KCNJ3: variants seen among roughly 807,000 people sequenced by gnomAD.
The protein encoded by KCNJ3 is potassium inwardly rectifying channel subfamily J member 3.
A neutral mutation model predicts 39.2 loss-of-function variants in KCNJ3; 4 were observed. The ratio of observed to expected loss-of-function variants is 0.10; its 90% CI spans 0.05 to 0.23. KCNJ3 has a LOEUF of 0.23. KCNJ3 is among the 10% of genes least tolerant of loss of function. The probability of loss-of-function intolerance (pLI) is 1.00; values close to 1 mark genes in which losing one functional copy is unlikely to be tolerated. For synonymous variants in KCNJ3, 230 were observed against 237.4 expected (o/e 0.97, Z 0.29); for missense variants, 276 against 634.9 (o/e 0.43, Z 6.08).
chr2:154,754,057 C>G (rs865995001), intron 2 of KCNJ3, among the ~76,000 whole-genome samples: 1 of 152,020 alleles, frequency 6.6e-6, no homozygotes, highest in South Asian at 2.1e-4. Context: ...AACCTTTTTA[C>G]TTTAGAATAG....
intron 1 of KCNJ3, among the ~76,000 whole-genome samples, chr2:154,704,330 C>T (rs868716773): frequency 4.6e-5 from 7 of 151,784 alleles, no homozygotes; most frequent in Non-Finnish European, 7.4e-5. Flanking sequence ...GGGTATTTGG[C>T]GAGTAGGAGG....
At chr2:154,784,314 G>A (rs1482219975) in intron 2 of KCNJ3, among the ~76,000 whole-genome samples, 1 of 152,206 alleles carries the variant, frequency 6.6e-6, no homozygotes, top group Non-Finnish European at 1.5e-5. Context: ...AGTGAAAAGT[G>A]GACATGACTT....
intron 2 of KCNJ3, among the ~76,000 whole-genome samples, chr2:154,842,733 G>A (rs1348084131): frequency 5.3e-5 from 8 of 152,118 alleles, no homozygotes; most frequent in Non-Finnish European, 1.2e-4. Flanking sequence ...TTGGTTTAAA[G>A]TCTGTTTTAT....
chr2:154,703,151 G>A (rs1021681582), intron 1 of KCNJ3, among the ~76,000 whole-genome samples: 5 of 151,950 alleles, frequency 3.3e-5, no homozygotes, highest in African/African-American at 9.6e-5. Flanking sequence ...ATAACTGTTC[G>A]AGAAATTACA....
chr2:154,824,522 C>G (rs1384053175), intron 2 of KCNJ3, among the ~76,000 whole-genome samples: 1 of 152,008 alleles, frequency 6.6e-6, no homozygotes, highest in Non-Finnish European at 1.5e-5. Flanking sequence ...CCCCCTGCAC[C>G]AAATTTGTGT....
intron 2 of KCNJ3, among the ~76,000 whole-genome samples, chr2:154,780,139 G>A (rs985375006): frequency 1.8e-4 from 28 of 152,292 alleles, no homozygotes; most frequent in Admixed American, 9.8e-4. Flanking sequence ...GGATTGTGAA[G>A]AGGAGTTTTT....
chr2:154,820,059 T>C (rs1687147285), intron 2 of KCNJ3, among the ~76,000 whole-genome samples: 2 of 152,126 alleles, frequency 1.3e-5, no homozygotes, highest in African/African-American at 4.8e-5. Context: ...TCCCCTAGTA[T>C]TAACATCTTA....
In KCNJ3 at chr2:154,729,181, C is replaced by A. The variant is rs116538017; in HGVS notation, c.919+19362C>A. 8.2e-3 allele frequency among the ~76,000 whole-genome samples: 1,242 copies of A among 152,236 alleles called. 12 individuals are homozygous for A. Among genetic ancestry groups the A allele is most frequent in the African/African-American group, 0.028 (1,163 of 41,540 alleles). ...TAGTGAGTGCCAGAAATGAAGTCTT[C>A]TTCAGTTTCAGAATGTTTTTTAGTT... On this transcript the variant is annotated intron_variant, in intron 2 of 2. Coordinates refer to ENST00000295101, the MANE Select transcript of KCNJ3 (RefSeq NM_002239.4).
chr2:154,778,472 A>G (rs1216410152), intron 2 of KCNJ3, among the ~76,000 whole-genome samples: 6 of 152,122 alleles, frequency 3.9e-5, no homozygotes, highest in Non-Finnish European at 5.9e-5. Flanking sequence ...AATCCCTAAG[A>G]CAGGAAGTGT....
At chr2:154,735,274 C>CTTTTTTTTTT (rs11315316) in intron 2 of KCNJ3, among the ~76,000 whole-genome samples, 1 of 143,238 alleles carries the variant, frequency 7.0e-6, no homozygotes, top group African/African-American at 2.6e-5. Flanking sequence ...TTCTTTCTTT[C>CTTTTTTTTTT]TTTTTTTTTT....
chr2:154,826,265 G>C (rs1687270636), intron 2 of KCNJ3, among the ~76,000 whole-genome samples: 1 of 152,128 alleles, frequency 6.6e-6, no homozygotes, highest in African/African-American at 2.4e-5. Context: ...TCTGCCCAAT[G>C]GGATATGTGA....
In KCNJ3 at chr2:154,698,698, T is replaced by G; in HGVS notation, c.-78T>G. ...CCCCCTTTCCTCCCCCGCCCCCACC[T>G]CCTTATTGGTGCTAGTTTGCAGCGC... On this transcript the variant is annotated 5_prime_UTR_variant, in exon 1 of 3. Coordinates refer to ENST00000295101, the MANE Select transcript of KCNJ3 (RefSeq NM_002239.4). 2.3e-5 allele frequency: 3 copies of G among 127,958 alleles called. No homozygotes were observed. The highest frequency in any genetic ancestry group is 3.4e-5 in the Non-Finnish European group (2 of 59,142). 7.9% of individuals were successfully genotyped at this position (127,958 alleles called of 1,614,324 possible).
At chr2:154,749,261 C>T (rs1043792669) in intron 2 of KCNJ3, among the ~76,000 whole-genome samples, 2 of 151,792 alleles carry the variant, frequency 1.3e-5, no homozygotes, top group Non-Finnish European at 2.9e-5. Context: ...CCAAGAGACC[C>T]CCCTCAAAAT....
intron 2 of KCNJ3, among the ~76,000 whole-genome samples, chr2:154,763,346 G>A (rs2105190432): frequency 6.6e-6 from 1 of 151,726 alleles, no homozygotes; most frequent in Middle Eastern, 3.4e-3. Flanking sequence ...CTTTTAAGGT[G>A]TTTCTGCACA....
chr2:154,785,593 C>T (rs990856475), intron 2 of KCNJ3, among the ~76,000 whole-genome samples: 9 of 152,158 alleles, frequency 5.9e-5, no homozygotes, highest in African/African-American at 1.9e-4. Flanking sequence ...TCGGCTCCCA[C>T]ACCATGTGAT....
At chr2:154,763,731 C>A (rs1686084656) in intron 2 of KCNJ3, among the ~76,000 whole-genome samples, 1 of 152,128 alleles carries the variant, frequency 6.6e-6, no homozygotes, top group Admixed American at 6.6e-5. Context: ...CCCAGCTGTA[C>A]CTTCTAGCTT....
chr2:154,740,466 A>G (rs1469140653), intron 2 of KCNJ3, among the ~76,000 whole-genome samples: 1 of 152,008 alleles, frequency 6.6e-6, no homozygotes, highest in Non-Finnish European at 1.5e-5. Context: ...ATAATATCTC[A>G]TTGCCATTGT....
chr2:154,850,947 C>T (rs1380516753), intron 2 of KCNJ3, among the ~76,000 whole-genome samples: 1 of 152,098 alleles, frequency 6.6e-6, no homozygotes, highest in East Asian at 1.9e-4. Flanking sequence ...AATTGTCTGA[C>T]AATTTTAAAA....
chr2:154,780,141 G>A (rs1686408919), intron 2 of KCNJ3, among the ~76,000 whole-genome samples: 1 of 152,148 alleles, frequency 6.6e-6, no homozygotes, highest in African/African-American at 2.4e-5. Flanking sequence ...ATTGTGAAGA[G>A]GAGTTTTTGA....
Sources: gnomAD v4.1 joint callset for allele counts (sites outside exome capture counted in the v4.1 genomes callset) on GRCh38, gnomAD v4.1.1 for gene constraint, MANE v1.5 for transcripts, NCBI Gene and HGNC (gene_info 2026-07-23, HGNC 2026-07-21) for gene names.